Variants in CSPP1 observed in about 807,000 individuals in gnomAD.
CSPP1 encodes centrosome and spindle pole associated protein 1.
In CSPP1, 126 loss-of-function variants were observed where a neutral mutation model predicts 164.4. That is an observed-to-expected ratio of 0.77 (90% CI 0.66 to 0.89). The LOEUF (loss-of-function observed/expected upper bound fraction) is 0.89, where lower values mean the gene tolerates loss of function less well. CSPP1 is among the 40% of genes least tolerant of loss of function. The probability of loss-of-function intolerance (pLI) is 0.00; values close to 1 mark genes in which losing one functional copy is unlikely to be tolerated. For synonymous variants in CSPP1, 472 were observed against 476.7 expected, an observed-to-expected ratio of 0.99 and a Z score of 0.13; for missense variants, 1,395 against 1,449.8, an observed-to-expected ratio of 0.96 and a Z score of 0.61.
At chr8:67,182,217 G>C (rs963883503) in intron 28 of CSPP1, among the ~76,000 whole-genome samples, 2 of 152,114 alleles carry the variant, frequency 1.3e-5, no homozygotes, top group Non-Finnish European at 2.9e-5. Flanking sequence ...TGCCCAGGTT[G>C]GTCGCGAACT....
intron 3 of CSPP1, among the ~76,000 whole-genome samples, chr8:67,085,374 TAAAA>T (rs560133449): frequency 7.1e-6 from 1 of 141,128 alleles, no homozygotes; most frequent in African/African-American, 2.6e-5. Context: ...AAAAGAAAAT[TAAAA>T]AAAAAAAAAG....
intron 17 of CSPP1, among the ~76,000 whole-genome samples, chr8:67,144,478 C>A (rs191223442): frequency 4.6e-5 from 7 of 152,148 alleles, no homozygotes; most frequent in East Asian, 3.9e-4. Flanking sequence ...CTTGCTCTGT[C>A]GCAGAAGCTG....
chr8:67,069,862 A>G (rs992920276), intron 1 of CSPP1, among the ~76,000 whole-genome samples: 2 of 151,608 alleles, frequency 1.3e-5, no homozygotes, highest in Admixed American at 6.6e-5. Flanking sequence ...GTTTCGCCAT[A>G]TTGGCCAGGC....
intron 24 of CSPP1, among the ~76,000 whole-genome samples, chr8:67,171,609 G>A (rs1005232234): frequency 7.2e-5 from 11 of 151,838 alleles, no homozygotes; most frequent in African/African-American, 2.7e-4. Flanking sequence ...GTGCAGTGGC[G>A]TGATCTTGGC....
intron 8 of CSPP1, among the ~76,000 whole-genome samples, chr8:67,103,686 G>A (rs1312734029): frequency 1.3e-5 from 2 of 151,114 alleles, no homozygotes; most frequent in African/African-American, 4.8e-5. Context: ...TTAGCCAGGC[G>A]TGGCAATCCC....
intron 3 of CSPP1, among the ~76,000 whole-genome samples, chr8:67,080,499 C>T (rs770348947): frequency 7.2e-5 from 11 of 152,168 alleles, no homozygotes; most frequent in Admixed American, 2.0e-4. Flanking sequence ...ACTTCTGACA[C>T]CAGCTACCTG....
chr8:67,141,838 C>T lies in CSPP1; in HGVS notation c.1975+4235C>T, dbSNP rs758578931. Reference sequence around the variant, plus strand: ...TGTAGCTACTACATTTTAGAGAAGGCGGGAACATTACATTTGAAATATGTA... The same window carrying T: ...TGTAGCTACTACATTTTAGAGAAGGTGGGAACATTACATTTGAAATATGTA... On this transcript the variant is annotated intron_variant, in intron 17 of 30. Transcript: ENST00000678616. Among the ~76,000 whole-genome samples the T allele has an allele frequency of 3.9e-5, 6 of 152,166 alleles. No homozygotes were observed. In the East Asian group the frequency reaches 9.6e-4, roughly 24 times the overall value.
intron 17 of CSPP1, among the ~76,000 whole-genome samples, chr8:67,147,718 T>C (rs1824880348): frequency 6.6e-6 from 1 of 152,112 alleles, no homozygotes; most frequent in South Asian, 2.1e-4. Flanking sequence ...TCAGCTAATA[T>C]TTTTTGGATG....
chr8:67,089,491 A>G (rs1811170120), intron 4 of CSPP1, among the ~76,000 whole-genome samples: 2 of 152,134 alleles, frequency 1.3e-5, no homozygotes, highest in African/African-American at 4.8e-5. Context: ...TCCCACCCTC[A>G]TGGCTGATAA....
Position 67,112,234 on chromosome 8 carries a change from GT to G in CSPP1, c.1187+187del, listed in dbSNP as rs375921547. Among the ~76,000 whole-genome samples the G allele has an allele frequency of 0.033, 4,073 of 123,018 alleles. 118 individuals carry two copies. The highest frequency in any genetic ancestry group is 0.1 in the African/African-American group (3,422 of 34,308). 80.7% of individuals were successfully genotyped at this position (123,018 alleles called of 152,430 possible). A position where few individuals can be genotyped will look rare whatever the true frequency, so the allele number is the denominator to read the frequency against. On this transcript the variant is annotated intron_variant, in intron 10 of 30. Transcript: ENST00000678616. ...AACAAGGAAAATAAATACTAAGAGAGTTTTTTTTTTTTTTTTTTGGTCATAA... is the reference window on the plus strand; with the variant it reads ...AACAAGGAAAATAAATACTAAGAGAGTTTTTTTTTTTTTTTTTGGTCATAA...
intron 28 of CSPP1, among the ~76,000 whole-genome samples, chr8:67,184,697 C>T (rs1308230096): frequency 6.6e-6 from 1 of 151,030 alleles, no homozygotes; most frequent in East Asian, 1.9e-4. Flanking sequence ...GCACTCCAGC[C>T]TGCATGACAG....
chr8:67,096,103 A>C (rs570345749), intron 7 of CSPP1, among the ~76,000 whole-genome samples: 164 of 152,348 alleles, frequency 1.1e-3, no homozygotes, highest in Non-Finnish European at 1.8e-3. Context: ...TGAAGTGTAA[A>C]TTAGTAATGA....
chr8:67,067,311 T>C (rs1182803255), intron 1 of CSPP1, among the ~76,000 whole-genome samples: 2 of 152,234 alleles, frequency 1.3e-5, no homozygotes, highest in African/African-American at 2.4e-5. Flanking sequence ...GGGTATGCTC[T>C]GGTCTGCTTA....
chr8:67,191,239 G>A (rs1178575646), intron 29 of CSPP1, among the ~76,000 whole-genome samples: 2 of 152,204 alleles, frequency 1.3e-5, no homozygotes, highest in East Asian at 3.9e-4. Context: ...AGGCTTTGGA[G>A]TTTATGTCCC....
intron 19 of CSPP1, chr8:67,157,835 A>C (rs1563702171): frequency 6.6e-6 from 1 of 152,214 alleles, no homozygotes; most frequent in Non-Finnish European, 1.5e-5. Context: ...GACTCCAGGT[A>C]GCATTCAAGA....
chr8:67,112,684 T>C (rs1408546819), intron 10 of CSPP1, among the ~76,000 whole-genome samples: 2 of 152,140 alleles, frequency 1.3e-5, no homozygotes, highest in African/African-American at 4.8e-5. Flanking sequence ...GCAATAGCTT[T>C]CTAACTAATA....
At chr8:67,170,618 C>T (rs184567619) in intron 24 of CSPP1, among the ~76,000 whole-genome samples, 23 of 152,198 alleles carry the variant, frequency 1.5e-4, no homozygotes, top group African/African-American at 2.4e-4. Context: ...TCTTCATACT[C>T]CATGAACATT....
chr8:67,095,874 A>G, intron 7 of CSPP1, 142 bp downstream of exon 7: 1 of 601,992 alleles, frequency 1.7e-6, no homozygotes, highest in South Asian at 2.3e-5. Flanking sequence ...GTCAGTTTTA[A>G]GATGCATCAT....
At chr8:67,157,808 G>C (rs1826958172) in intron 19 of CSPP1, 1 of 152,106 alleles carries the variant, frequency 6.6e-6, no homozygotes, top group African/African-American at 2.4e-5. Context: ...TTAGGCTCTA[G>C]AGTACTCAAC....
Sources: allele counts gnomAD v4.1 joint callset (sites outside exome capture counted in the v4.1 genomes callset), GRCh38; gene constraint gnomAD v4.1.1; transcripts MANE v1.5; gene names NCBI Gene and HGNC (gene_info 2026-07-23, HGNC 2026-07-21).